SPSB4: variants seen among roughly 807,000 people sequenced by gnomAD.
SPSB4 encodes the protein SPRY domain-containing SOCS box protein 4.
SPSB4 carries 21 observed loss-of-function variants against 20.9 expected under a neutral mutation model. That is an observed-to-expected ratio of 1.01 (90% CI 0.71 to 1.45). The LOEUF (loss-of-function observed/expected upper bound fraction) is 1.45. Ranked by LOEUF, SPSB4 falls within the 40% of genes most tolerant of loss-of-function variation. SPSB4 has a pLI of 0.00. For missense variants in SPSB4, 399 were observed against 399.2 expected (o/e 1.00, Z 0.00); for synonymous variants, 207 against 183.8 (o/e 1.13, Z -1.02).
chr3:141,125,645 T>A (rs1939039206), intron 2 of SPSB4, among the ~76,000 whole-genome samples: 1 of 152,152 alleles, frequency 6.6e-6, no homozygotes, highest in Admixed American at 6.5e-5. Flanking sequence ...GGCCCAAGGT[T>A]CAGGGGGATG....
intron 2 of SPSB4, among the ~76,000 whole-genome samples, chr3:141,071,781 C>T (rs761487024): frequency 2.0e-5 from 3 of 152,194 alleles, no homozygotes; most frequent in Admixed American, 6.5e-5. Context: ...AGAGGGCTTT[C>T]CCCCTGCACG....
chr3:141,144,577 C>G lies in SPSB4; in HGVS notation c.695-2565C>G, dbSNP rs543102360. On this transcript the variant is annotated intron_variant, in intron 2 of 2. Transcript: ENST00000310546. Reference sequence around the variant, plus strand: ...CACAGTGGGGGCAGGAACTCAAGGACTTTCTCTGTGCACTTTGGAATTGTC... The same window carrying G: ...CACAGTGGGGGCAGGAACTCAAGGAGTTTCTCTGTGCACTTTGGAATTGTC... 5.3e-5 allele frequency among the ~76,000 whole-genome samples: 8 copies of G among 152,366 alleles called. No homozygotes were observed. The South Asian group carries it at 1.4e-3, about 28-fold the overall frequency.
In SPSB4 at chr3:141,130,018, A is replaced by C. The variant is rs145677698; in HGVS notation, c.695-17124A>C. 8.3e-3 allele frequency among the ~76,000 whole-genome samples: 1,269 copies of C among 152,328 alleles called. 22 individuals carry two copies. The highest frequency in any genetic ancestry group is 0.029 in the African/African-American group (1,186 of 41,568). ...TCACAACCCTTTTTGCTGGGGAAAC[A>C]GTGAAGCTTGTCAACAGAAAACGCT... On this transcript the variant is annotated intron_variant, in intron 2 of 2. Transcript: ENST00000310546.
intron 1 of SPSB4, among the ~76,000 whole-genome samples, chr3:141,053,192 A>G (rs1226424438): frequency 6.6e-6 from 1 of 151,278 alleles, no homozygotes; most frequent in Non-Finnish European, 1.5e-5. Context: ...TGAGCCCTCT[A>G]TCCTCCCACC....
At chr3:141,134,030 CTTTTCTTTTTTTTT>C (rs1939181615) in intron 2 of SPSB4, among the ~76,000 whole-genome samples, 1 of 37,776 alleles carries the variant, frequency 2.6e-5, no homozygotes, top group Non-Finnish European at 5.4e-5. Flanking sequence ...TTTTTTTTTT[CTTTTCTTTTTTTTT>C]TTTTCTTTTT....
intron 2 of SPSB4, among the ~76,000 whole-genome samples, chr3:141,145,591 A>G (rs1939399909): frequency 6.6e-6 from 1 of 152,200 alleles, no homozygotes; most frequent in African/African-American, 2.4e-5. Context: ...GTTAGTATTT[A>G]CCACTCAACA....
chr3:141,099,163 C>A (rs566268111), intron 2 of SPSB4, among the ~76,000 whole-genome samples: 1 of 152,022 alleles, frequency 6.6e-6, no homozygotes, highest in East Asian at 1.9e-4. Context: ...GACATTTAAA[C>A]CATAGTAATG....
At chr3:141,124,931 G>A (rs189668080) in intron 2 of SPSB4, among the ~76,000 whole-genome samples, 133 of 152,316 alleles carry the variant, frequency 8.7e-4, no homozygotes, top group Non-Finnish European at 2.6e-4. Flanking sequence ...AGGCTCCCAG[G>A]TGACACTGGT....
rs1936087867 is a variant in SPSB4, at chr3:141,051,531, GC to G, written c.-611del. Reference sequence around the variant, plus strand: ...TGAACACACCACATCCCGGGCCCGGGCCCCAGCTGCTGCTACCGCTGCGTGC... The same window carrying G: ...TGAACACACCACATCCCGGGCCCGGGCCCAGCTGCTGCTACCGCTGCGTGC... On this transcript the variant is annotated 5_prime_UTR_variant, in exon 1 of 3. An upstream open reading frame in the 5' UTR loses its in-frame stop. Transcript: ENST00000310546. 1 of 150,726 alleles carries G rather than the reference GC, an allele frequency of 6.6e-6. No homozygotes were observed. The highest frequency in any genetic ancestry group is 1.5e-5 in the Non-Finnish European group (1 of 67,394). The allele number at this position is 150,726 out of a possible 1,614,324, so 9.3% of individuals were successfully genotyped here. A position where few individuals can be genotyped will look rare whatever the true frequency, so the allele number is the denominator to read the frequency against.
At chr3:141,064,303 A>G (rs1937822104) in intron 1 of SPSB4, among the ~76,000 whole-genome samples, 1 of 152,248 alleles carries the variant, frequency 6.6e-6, no homozygotes, top group Non-Finnish European at 1.5e-5. Flanking sequence ...AGTTTGCTGA[A>G]GAAGGAGTTT....
At position 141,083,192 on chromosome 3, in the gene SPSB4, G is replaced by T. The variant is rs371416018; in HGVS notation, c.694+16394G>T. Among the ~76,000 whole-genome samples the T allele has an allele frequency of 5.8e-4, 89 of 152,314 alleles. 1 individual carries two copies. Among genetic ancestry groups the T allele is most frequent in the African/African-American group, 1.8e-3 (73 of 41,582 alleles). ...CTGTGTCCACCACAGGTCCCCCCAG[G>T]TGCCCTCACTAGAGTGGGGGTGCCT... On this transcript the variant is annotated intron_variant, in intron 2 of 2. Coordinates refer to ENST00000310546, the MANE Select transcript of SPSB4 (RefSeq NM_080862.3).
At chr3:141,090,672 T>TA (rs1391526159) in intron 2 of SPSB4, among the ~76,000 whole-genome samples, 4 of 152,206 alleles carry the variant, frequency 2.6e-5, no homozygotes, top group African/African-American at 4.8e-5. Context: ...GCACAGAGGT[T>TA]AGCCGATCAA....
At chr3:141,057,087 G>A (rs1937660887) in intron 1 of SPSB4, among the ~76,000 whole-genome samples, 1 of 152,254 alleles carries the variant, frequency 6.6e-6, no homozygotes, top group Non-Finnish European at 1.5e-5. Context: ...ACAGGCGTGA[G>A]ATGATTCCAC....
chr3:141,147,298 GAC>G lies in SPSB4; in HGVS notation c.*36_*37del, dbSNP rs1939429460. ...AAGCCTGATGGGCAGCACAGACACA[GAC>G]ACACACCGCAGGGCCCGACCCTCCT... On this transcript the variant is annotated 3_prime_UTR_variant, in exon 3 of 3. Transcript: ENST00000310546. The G allele has an allele frequency of 6.2e-7, 1 of 1,613,342 alleles. No individual in the cohort carries two copies. Among genetic ancestry groups the G allele is most frequent in the East Asian group, 2.2e-5 (1 of 44,868 alleles).
chr3:141,083,894 C>T (rs1176066277), intron 2 of SPSB4, among the ~76,000 whole-genome samples: 2 of 152,120 alleles, frequency 1.3e-5, no homozygotes, highest in African/African-American at 4.8e-5. Context: ...ACCTCCCTCC[C>T]CTCTGAACTC....
intron 1 of SPSB4, among the ~76,000 whole-genome samples, chr3:141,055,000 A>G (rs1937615772): frequency 6.6e-6 from 1 of 151,944 alleles, no homozygotes; most frequent in South Asian, 2.1e-4. Context: ...TGCAGGAGGT[A>G]TAGAGTGGCT....
At chr3:141,053,819 T>C (rs1015706284) in intron 1 of SPSB4, among the ~76,000 whole-genome samples, 15 of 152,288 alleles carry the variant, frequency 9.8e-5, no homozygotes, top group Middle Eastern at 6.8e-3. Flanking sequence ...CATTTCTCCC[T>C]AGCTCAGGAC....
intron 2 of SPSB4, among the ~76,000 whole-genome samples, chr3:141,074,417 G>T (rs1405995348): frequency 2.0e-5 from 3 of 152,128 alleles, no homozygotes; most frequent in Non-Finnish European, 4.4e-5. Context: ...ATTAAATATA[G>T]AAATAATTAT....
chr3:141,077,713 T>A (rs1378751376), intron 2 of SPSB4: 1 of 152,108 alleles, frequency 6.6e-6, no homozygotes, highest in East Asian at 1.9e-4. Context: ...CCTTCTGGAG[T>A]GAGGGGCCAC....
Sources: allele counts gnomAD v4.1 joint callset (sites outside exome capture counted in the v4.1 genomes callset), GRCh38; gene constraint gnomAD v4.1.1; transcripts MANE v1.5; gene names NCBI Gene and HGNC (gene_info 2026-07-23, HGNC 2026-07-21).